ZNF433: variants seen among roughly 807,000 people sequenced by gnomAD.
ZNF433 encodes the protein zinc finger protein 433.
ZNF433 carries 12 observed loss-of-function variants against 10.6 expected under a neutral mutation model. That is an observed-to-expected ratio of 1.13 (90% confidence interval 0.72 to 1.83). ZNF433 has a LOEUF of 1.83. ZNF433 is among the 40% of genes most tolerant of loss of function. The pLI is 0.00. For synonymous variants in ZNF433, 272 were observed against 271.3 expected, an observed-to-expected ratio of 1.00 and a Z score of -0.02; for missense variants, 737 against 798.0, an observed-to-expected ratio of 0.92 and a Z score of 0.92.
intron 1 of ZNF433, among the ~76,000 whole-genome samples, chr19:12,029,644 A>T (rs999391033): frequency 6.6e-6 from 1 of 151,944 alleles, no homozygotes; most frequent in African/African-American, 2.4e-5. Flanking sequence ...CCTAACCTGT[A>T]ATACGATGGA....
rs530877103 is a variant in ZNF433 at position 12,029,990 on chromosome 19, G to C, written c.3+5547C>G. 1.9e-5 allele frequency: 4 copies of C among 211,290 alleles called. No homozygotes were observed. The Admixed American group carries it at 2.5e-4, about 13-fold the overall frequency. 13.1% of individuals were successfully genotyped at this position (211,290 alleles called of 1,614,324 possible). ...CCAGCTACTCGGAAGGCTGAGGCAG[G>C]AGAATTGCTTGAATCCCAGAGGCAG... On this transcript the variant is annotated intron_variant, in intron 1 of 3. Transcript: ENST00000550507.
chr19:12,030,426 T>C (rs895260089), intron 1 of ZNF433, among the ~76,000 whole-genome samples: 4 of 152,046 alleles, frequency 2.6e-5, no homozygotes, highest in African/African-American at 9.7e-5. Flanking sequence ...TTCACCATGT[T>C]GGCCAGGATA....
chr19:12,018,477 AC>A (rs1176507221), intron 1 of ZNF433, 185 bp from the exon 2 acceptor site: 1 of 579,740 alleles, frequency 1.7e-6, no homozygotes, highest in East Asian at 3.5e-5. Context: ...CTACAACTGA[AC>A]CATGTGGTAA....
chr19:12,034,872 T>A, intron 1 of ZNF433: 1 of 454,350 alleles, frequency 2.2e-6, no homozygotes, highest in Non-Finnish European at 4.4e-6. Flanking sequence ...AATTCCTGTC[T>A]CCCTGAAATG....
intron 1 of ZNF433, 137 bp downstream of exon 1, chr19:12,035,400 G>T: frequency 7.8e-7 from 1 of 1,274,126 alleles, no homozygotes; most frequent in Non-Finnish European, 1.1e-6. Flanking sequence ...AGGGGACCAA[G>T]GGCCGAGCTG....
At chr19:12,016,791 T>C in intron 3 of ZNF433, 125 bp from the exon 4 acceptor site, 1 of 1,297,690 alleles carries the variant, frequency 7.7e-7, no homozygotes, top group Non-Finnish European at 1.0e-6. Context: ...TTGCCCAGGC[T>C]GGAGTGTAGT....
In ZNF433 at chr19:12,015,736, A is replaced by G; in HGVS notation, c.1122T>C (p.Ser374=). Residue 374 remains serine (S), a synonymous_variant, in exon 4 of 4, where the codon TCT becomes TCC. Coordinates refer to ENST00000550507, the MANE Select transcript of ZNF433 (RefSeq NM_001308348.2). ...TTTCATGTGTTTGAAGTGAACTGGG[A>G]GAATAAAAGGCTTTCCCACATATCT... ...KCKICGKAFY[S]PSSLQTHEKT... 1 of 1,613,608 alleles carries G rather than the reference A, an allele frequency of 6.2e-7. No homozygotes were observed.
In ZNF433 at chr19:12,015,058, C is replaced by T. The variant is rs769612742; in HGVS notation, c.1800G>A (p.Ser600=). 72 of 1,605,162 alleles carry T rather than the reference C, an allele frequency of 4.5e-5. No homozygotes were observed. The highest frequency in any genetic ancestry group is 1.2e-4 in the Admixed American group (7 of 58,960). Reference sequence around the variant, plus strand: ...GAGTCCTTCCATGCATTTGAAGTCGCGAGGCACATCCAAAAGACTTCCCAC... The same window carrying T: ...GAGTCCTTCCATGCATTTGAAGTCGTGAGGCACATCCAAAAGACTTCCCAC... The part of the protein sequence containing the change: ...KQCGKSFGCA[S]RLQMHGRTHT... The change falls in exon 4 of 4, where the codon TCG becomes TCA. Residue 600 remains serine (S), a synonymous_variant. Coordinates refer to ENST00000550507, the MANE Select transcript of ZNF433 (RefSeq NM_001308348.2).
Position 12,014,783 on chromosome 19 carries a change from A to G in ZNF433, c.*62T>C. ...ATAACAGAGTCTCACTATGTTGCCC[A>G]GGCTGGTCTTGAACTCCTGGGCTTA... On this transcript the variant is annotated 3_prime_UTR_variant, in exon 4 of 4. Coordinates refer to ENST00000550507, the MANE Select transcript of ZNF433 (RefSeq NM_001308348.2). 8.0e-7 allele frequency: 1 copy of G among 1,256,834 alleles called. No individual in the cohort carries two copies. The highest frequency in any genetic ancestry group is 1.1e-6 in the Non-Finnish European group (1 of 923,066). 77.9% of individuals were successfully genotyped at this position (1,256,834 alleles called of 1,614,324 possible).
Position 12,014,968 on chromosome 19 carries a change from A to C in ZNF433, c.1890T>G (p.Leu630=), listed in dbSNP as rs564172889. Residue 630 remains leucine (L), a synonymous_variant, in exon 4 of 4, where the codon CTT becomes CTG. Coordinates refer to ENST00000550507, the MANE Select transcript of ZNF433 (RefSeq NM_001308348.2). ...CAGTGTGAGTCCTTCCATGCCTTCG[A>C]AGGTTTGAGGGACATCCAAAAGCTT... is the stretch of plus-strand genomic sequence containing the variant. ...CGKAFGCPSN[L]RRHGRTHTGE... 4 of 1,613,966 alleles carry C rather than the reference A, an allele frequency of 2.5e-6. No individual in the cohort carries two copies. The African/African-American group carries it at 5.3e-5, about 22-fold the overall frequency.
At chr19:12,034,476 C>T (rs1442109602) in intron 1 of ZNF433, 1 of 221,804 alleles carries the variant, frequency 4.5e-6, no homozygotes, top group Non-Finnish European at 9.2e-6. Context: ...GGAGTTTCCA[C>T]ATAGCCACTG....
intron 1 of ZNF433, chr19:12,030,148 A>G: frequency 2.3e-6 from 1 of 440,148 alleles, no homozygotes. Context: ...ACCAGGCACC[A>G]GATCTGTCAG....
rs114442184 is a variant in ZNF433, at chr19:12,021,959, C to T, written c.4-3667G>A. 3.4e-3 allele frequency: 1,559 copies of T among 456,834 alleles called. 15 individuals carry two copies. Among genetic ancestry groups the T allele is most frequent in the African/African-American group, 0.028 (1,383 of 50,174 alleles). The allele number at this position is 456,834 out of a possible 1,614,324, so 28.3% of individuals were successfully genotyped here. On this transcript the variant is annotated intron_variant, in intron 1 of 3. Coordinates refer to ENST00000550507, the MANE Select transcript of ZNF433 (RefSeq NM_001308348.2). ...TGCAGTGATGATGCAGGATGCCTGG[C>T]GGTACTGGCTGCCAATTCAACCGTC...
chr19:12,015,400 C>A lies in ZNF433; in HGVS notation c.1458G>T (p.Leu486Phe). The change falls in exon 4 of 4, where the codon TTG (leucine) becomes TTT (phenylalanine). Residue 486 changes from leucine (L) to phenylalanine (F), a missense_variant. Physicochemically the swap from Leu to Phe is conservative, Grantham distance 22. Transcript: ENST00000550507. ...ECKGYGKTFSLPSLFHRHERT... is the reference protein window; with the variant it reads ...ECKGYGKTFSFPSLFHRHERT... The stretch of plus-strand genomic sequence containing the variant: ...TTTCATGTCTATGAAATAAACTGGG[C>A]AAACTGAATGTTTTCCCATAACCCT... 1 of 1,614,062 alleles carries A rather than the reference C, an allele frequency of 6.2e-7. No homozygotes were observed. The highest frequency in any genetic ancestry group is 8.5e-7 in the Non-Finnish European group (1 of 1,179,994).
At position 12,015,466 on chromosome 19, in the gene ZNF433, T is replaced by C. The variant is rs779921986; in HGVS notation, c.1392A>G (p.Ile464Met). ...TCTCTTCTCTGTGCATCCTTTCATG[T>C]ATTTGAAAGAAAGAGAAATTACTAA... ...KPFSNFSFFQ[I>M]HERMHREEKP... Residue 464 changes from isoleucine to methionine, a missense_variant, in exon 4 of 4, where the codon ATA becomes ATG. Physicochemically the swap from Ile to Met is conservative, Grantham distance 10. Coordinates refer to ENST00000550507, the MANE Select transcript of ZNF433 (RefSeq NM_001308348.2). The C allele has an allele frequency of 2.5e-6, 4 of 1,613,904 alleles. No individual in the cohort carries two copies. In the South Asian group the frequency reaches 4.4e-5, roughly 18 times the overall value.
At chr19:12,029,354 C>T (rs1488859509) in intron 1 of ZNF433, among the ~76,000 whole-genome samples, 2 of 151,568 alleles carry the variant, frequency 1.3e-5, no homozygotes. Context: ...AAACCCCTCT[C>T]TACTAAAAAT....
At chr19:12,028,724 G>A (rs1974857578) in intron 1 of ZNF433, among the ~76,000 whole-genome samples, 1 of 152,124 alleles carries the variant, frequency 6.6e-6, no homozygotes, top group East Asian at 1.9e-4. Context: ...TTAGGGACAG[G>A]TTCTTGCACT....
rs1056365286 is a variant in ZNF433 at position 12,022,005 on chromosome 19, G to A, written c.4-3713C>T. 9.2e-5 allele frequency: 42 copies of A among 456,292 alleles called. 1 individual carries two copies. The Middle Eastern group carries it at 8.1e-3, about 88-fold the overall frequency. The allele number at this position is 456,292 out of a possible 1,614,324, so 28.3% of individuals were successfully genotyped here. ...CCGTCACGCTGTGATAGAGACTTAG[G>A]TGTTGGGAACAGGCCCCCAAATCTG... On this transcript the variant is annotated intron_variant, in intron 1 of 3. Transcript: ENST00000550507.
At chr19:12,034,789 C>G (rs182171687) in intron 1 of ZNF433, 2 of 453,794 alleles carry the variant, frequency 4.4e-6, no homozygotes, top group African/African-American at 2.0e-5. Flanking sequence ...TTCTAACCCC[C>G]CTTCCACAGG....
Sources: allele counts gnomAD v4.1 joint callset (sites outside exome capture counted in the v4.1 genomes callset), GRCh38; gene constraint gnomAD v4.1.1; transcripts MANE v1.5; gene names NCBI Gene and HGNC (gene_info 2026-07-23, HGNC 2026-07-21).